Variants in ANKRD13C observed in about 807,000 individuals in gnomAD.
ANKRD13C encodes ankyrin repeat domain 13C, also known as ankyrin repeat domain-containing protein 13C.
A neutral mutation model predicts 65.5 loss-of-function variants in ANKRD13C; 16 were observed. That is an observed-to-expected ratio of 0.24 (90% CI 0.17 to 0.37). The LOEUF is 0.37. Among genes scored for constraint, ANKRD13C ranks in the 10% least tolerant of loss-of-function variants. The pLI is 1.00. For missense variants in ANKRD13C, 503 were observed against 655.9 expected (o/e 0.77, Z 2.55); for synonymous variants, 235 against 238.7 (o/e 0.98, Z 0.14).
chr1:70,313,138 T>C lies in ANKRD13C; in HGVS notation c.709+607A>G, dbSNP rs895642375. ...AGTCCCATAATCCCATAATTAATTT[T>C]CTTTTCTGAAAACTCCTTGCATTCT... On this transcript the variant is annotated intron_variant, in intron 5 of 12. Coordinates refer to ENST00000370944, the MANE Select transcript of ANKRD13C (RefSeq NM_030816.5). Among the ~76,000 whole-genome samples the C allele has an allele frequency of 2.0e-5, 3 of 152,342 alleles. No individual in the cohort carries two copies. In the East Asian group the frequency reaches 5.8e-4, roughly 29 times the overall value.
At chr1:70,334,321 G>C (rs1459280187) in intron 2 of ANKRD13C, among the ~76,000 whole-genome samples, 1 of 152,102 alleles carries the variant, frequency 6.6e-6, no homozygotes, top group African/African-American at 2.4e-5. Flanking sequence ...GCAAGACCCT[G>C]TCTCTAAAAT....
chr1:70,324,824 T>C (rs755861681), intron 3 of ANKRD13C, 29 bp downstream of exon 3: 3 of 1,464,716 alleles, frequency 2.0e-6, no homozygotes, highest in Non-Finnish European at 2.8e-6. Context: ...TTAGAAGATA[T>C]ATCAACAACA....
intron 9 of ANKRD13C, among the ~76,000 whole-genome samples, chr1:70,278,944 T>G (rs1679260584): frequency 6.6e-6 from 1 of 152,096 alleles, no homozygotes; most frequent in Admixed American, 6.6e-5. Context: ...CTCATGCCTA[T>G]AATCCTGGCA....
At chr1:70,337,146 A>AACACAC (rs58715407) in intron 1 of ANKRD13C, among the ~76,000 whole-genome samples, 2,602 of 145,396 alleles carry the variant, frequency 0.018, 36 homozygotes, top group South Asian at 0.035. Flanking sequence ...CCATGATTCA[A>AACACAC]ACACACACAC....
chr1:70,337,319 C>T (rs930757781), intron 1 of ANKRD13C, among the ~76,000 whole-genome samples: 1 of 152,182 alleles, frequency 6.6e-6, no homozygotes, highest in Non-Finnish European at 1.5e-5. Context: ...CGGTGGCTCA[C>T]GCCTGTAATC....
At chr1:70,282,784 G>T (rs1406735220) in intron 9 of ANKRD13C, among the ~76,000 whole-genome samples, 1 of 152,142 alleles carries the variant, frequency 6.6e-6, no homozygotes, top group Admixed American at 6.5e-5. Flanking sequence ...CGCTGGAAAC[G>T]TTTAAGATTG....
intron 1 of ANKRD13C, among the ~76,000 whole-genome samples, chr1:70,336,599 A>T (rs1195164403): frequency 6.6e-6 from 1 of 152,220 alleles, no homozygotes; most frequent in Non-Finnish European, 1.5e-5. Context: ...AGAGTTAAAT[A>T]TTGAAGAATG....
At chr1:70,302,129 A>C (rs571148417) in intron 6 of ANKRD13C, among the ~76,000 whole-genome samples, 1 of 152,196 alleles carries the variant, frequency 6.6e-6, no homozygotes, top group Non-Finnish European at 1.5e-5. Flanking sequence ...ATGCTGCATG[A>C]AAATAATAAC....
In ANKRD13C at chr1:70,290,341, G is replaced by A. The variant is rs1028126137; in HGVS notation, c.1215+2047C>T. 5.9e-5 allele frequency among the ~76,000 whole-genome samples: 9 copies of A among 152,258 alleles called. No homozygotes were observed. The East Asian group carries it at 1.3e-3, about 23-fold the overall frequency. On this transcript the variant is annotated intron_variant, in intron 9 of 12. Coordinates refer to ENST00000370944, the MANE Select transcript of ANKRD13C (RefSeq NM_030816.5). ...AATCCAGGACAATACTATAGGGAAA[G>A]GACTAAACATTCCAGCAATTCAAGC...
intron 2 of ANKRD13C, among the ~76,000 whole-genome samples, chr1:70,334,145 G>A (rs528854723): frequency 6.6e-6 from 1 of 152,030 alleles, no homozygotes; most frequent in South Asian, 2.1e-4. Context: ...GCAACATAGC[G>A]AGACCTCATT....
intron 6 of ANKRD13C, among the ~76,000 whole-genome samples, chr1:70,302,737 AAAAAAAAAAAAAAAAAAAG>A (rs1478305924): frequency 2.8e-5 from 3 of 108,620 alleles, no homozygotes; most frequent in Non-Finnish European, 5.4e-5. Context: ...AAAAAAAAAA[AAAAAAAAAAAAAAAAAAAG>A]AAAATAGTAT....
intron 1 of ANKRD13C, among the ~76,000 whole-genome samples, chr1:70,346,375 T>A (rs1052278590): frequency 6.6e-6 from 1 of 152,138 alleles, no homozygotes; most frequent in African/African-American, 2.4e-5. Flanking sequence ...ACCAGCCCAG[T>A]TTGCTACTTT....
At chr1:70,333,636 G>A (rs1243308384) in intron 2 of ANKRD13C, among the ~76,000 whole-genome samples, 2 of 152,086 alleles carry the variant, frequency 1.3e-5, no homozygotes, top group African/African-American at 4.8e-5. Flanking sequence ...AGAAATTTGC[G>A]AACCTAAGAA....
At chr1:70,322,930 T>G (rs1400571021) in intron 3 of ANKRD13C, among the ~76,000 whole-genome samples, 1 of 152,012 alleles carries the variant, frequency 6.6e-6, no homozygotes, top group Non-Finnish European at 1.5e-5. Context: ...AGGCAGAGGT[T>G]GCAGGTAAGC....
At chr1:70,294,350 A>G (rs1020171905) in intron 8 of ANKRD13C, among the ~76,000 whole-genome samples, 1 of 152,182 alleles carries the variant, frequency 6.6e-6, no homozygotes, top group Non-Finnish European at 1.5e-5. Flanking sequence ...TATAAAGTTA[A>G]ATGATAATTT....
At chr1:70,272,892 T>G (rs1678954001) in intron 11 of ANKRD13C, among the ~76,000 whole-genome samples, 2 of 151,694 alleles carry the variant, frequency 1.3e-5, no homozygotes, top group Non-Finnish European at 2.9e-5. Context: ...TCAGGCTGAG[T>G]TGGGAGGATC....
chr1:70,309,911 T>C (rs1333801039), intron 5 of ANKRD13C, among the ~76,000 whole-genome samples: 1 of 152,020 alleles, frequency 6.6e-6, no homozygotes. Flanking sequence ...TACAAAGGGC[T>C]TTCTTCAAAA....
intron 5 of ANKRD13C, among the ~76,000 whole-genome samples, chr1:70,308,012 A>G (rs963096425): frequency 2.0e-5 from 3 of 152,214 alleles, no homozygotes; most frequent in Non-Finnish European, 2.9e-5. Context: ...GAAGAGCAAT[A>G]ATAGTGTAAT....
chr1:70,264,730 A>G (rs1435248419), intron 12 of ANKRD13C, among the ~76,000 whole-genome samples: 1 of 152,134 alleles, frequency 6.6e-6, no homozygotes, highest in African/African-American at 2.4e-5. Context: ...AATTCATGCA[A>G]TTATAGAGAT....
Sources: allele counts gnomAD v4.1 joint callset (sites outside exome capture counted in the v4.1 genomes callset), GRCh38; gene constraint gnomAD v4.1.1; transcripts MANE v1.5; gene names NCBI Gene and HGNC (gene_info 2026-07-23, HGNC 2026-07-21).